Variants in COL5A1 observed in about 807,000 individuals in gnomAD.
COL5A1 encodes the protein collagen type V alpha 1 chain.
COL5A1 carries 16 observed loss-of-function variants against 263.7 expected under a neutral mutation model. The observed-to-expected ratio is 0.06, with a 90% CI of 0.04 to 0.09. COL5A1 has a LOEUF of 0.09. Ranked by LOEUF, COL5A1 falls within the 10% of genes least tolerant of loss-of-function variation. COL5A1 has a pLI of 1.00. For synonymous variants in COL5A1, 1,012 were observed against 1,004.5 expected (o/e 1.01, Z -0.14); for missense variants, 2,036 against 2,540.5 (o/e 0.80, Z 4.27).
At chr9:134,795,696 AC>A in intron 34 of COL5A1, among the ~76,000 whole-genome samples, 1 of 152,310 alleles carries the variant, frequency 6.6e-6, no homozygotes, top group African/African-American at 2.4e-5. Context: ...ACCAGAACCT[AC>A]AGAAAGTGCT....
rs747522491 is a variant in COL5A1 at position 134,823,318 on chromosome 9, C to T, written c.4645-98C>T. 3.7e-6 allele frequency: 5 copies of T among 1,355,014 alleles called. No homozygotes were observed. The South Asian group carries it at 5.8e-5, about 16-fold the overall frequency. The allele number at this position is 1,355,014 out of a possible 1,614,324, so 83.9% of individuals were successfully genotyped here. ...TGCTGTGGCTGATAGGGCCACCTCC[C>T]CCACATAGGTCTCCAGGGACCATTC... On this transcript the variant is annotated intron_variant, in intron 60 of 65. Coordinates refer to ENST00000371817, the MANE Select transcript of COL5A1 (RefSeq NM_000093.5).
Position 134,801,951 on chromosome 9 carries a change from C to T in COL5A1, c.2953-3C>T, listed in dbSNP as rs1838130855. On this transcript the variant is annotated splice_polypyrimidine_tract_variant and splice_region_variant and intron_variant, in intron 37 of 65. Coordinates refer to ENST00000371817, the MANE Select transcript of COL5A1 (RefSeq NM_000093.5). ...CGTCAGTGCAGTGACTCTCTCTTCA[C>T]AGGGTTTCCAAGGCAAGACCGGCCC... The T allele has an allele frequency of 1.2e-6, 2 of 1,613,358 alleles. No homozygotes were observed. The highest frequency in any genetic ancestry group is 4.5e-5 in the East Asian group (2 of 44,872).
intron 39 of COL5A1, among the ~76,000 whole-genome samples, chr9:134,803,342 C>A (rs1000160796): frequency 6.6e-6 from 1 of 152,188 alleles, no homozygotes. Flanking sequence ...CTTTTAAAAA[C>A]CCCTCACCCC....
chr9:134,817,607 T>C (rs1402194478), intron 53 of COL5A1, among the ~76,000 whole-genome samples, 171 bp from the exon 54 acceptor site: 1 of 152,072 alleles, frequency 6.6e-6, no homozygotes, highest in African/African-American at 2.4e-5. Flanking sequence ...GCAGCCTCCA[T>C]GACCCTGCAC....
intron 4 of COL5A1, among the ~76,000 whole-genome samples, chr9:134,726,174 C>T (rs1834642770): frequency 2.0e-5 from 3 of 152,188 alleles, no homozygotes; most frequent in Admixed American, 2.0e-4. Context: ...CTGTTTCTCA[C>T]AACAGGCAAA....
intron 13 of COL5A1, 100 bp from the exon 14 acceptor site, chr9:134,752,489 T>C (rs1588504424): frequency 1.1e-6 from 1 of 870,576 alleles, no homozygotes; most frequent in East Asian, 2.5e-5. Flanking sequence ...CTCTGTCCAG[T>C]CTGCCCGTTC....
At chr9:134,698,786 C>A (rs1481906722) in intron 2 of COL5A1, among the ~76,000 whole-genome samples, 3 of 152,248 alleles carry the variant, frequency 2.0e-5, no homozygotes, top group African/African-American at 7.2e-5. Flanking sequence ...CTCTGGGCCA[C>A]CTGGTTAGCC....
intron 54 of COL5A1, 58 bp downstream of exon 54, chr9:134,817,889 G>A: frequency 4.6e-6 from 7 of 1,521,762 alleles, no homozygotes; most frequent in Non-Finnish European, 5.4e-6. Context: ...GGAGCCCAGA[G>A]GGTGGGGAGT....
rs148146480 is a variant in COL5A1, at chr9:134,785,059, A to C, written c.2555A>C (p.Asn852Thr). The change falls in exon 30 of 66, where the codon AAT becomes ACT. Residue 852 changes from asparagine to threonine, a missense_variant. Asn to Thr is a moderately conservative substitution (Grantham distance 65). This residue lies in a region of COL5A1 where 1,078 missense variants were observed against 1,521.4 expected (regional missense o/e 0.71). Transcript: ENST00000371817. ...PEGPKGRGGPNGDPGPLGPPG... is the reference protein window; with the variant it reads ...PEGPKGRGGPTGDPGPLGPPG... ...GGCCCAAAGGGTCGCGGAGGTCCCAATGGTGACCCCGGTCCTCTGGGACCC... is the reference window on the plus strand; with the variant it reads ...GGCCCAAAGGGTCGCGGAGGTCCCACTGGTGACCCCGGTCCTCTGGGACCC... 1 of 1,613,438 alleles carries C rather than the reference A, an allele frequency of 6.2e-7. No homozygotes were observed. Among genetic ancestry groups the C allele is most frequent in the South Asian group, 1.1e-5 (1 of 91,086 alleles).
chr9:134,797,158 G>T (rs1284146264), intron 36 of COL5A1, among the ~76,000 whole-genome samples: 2 of 152,066 alleles, frequency 1.3e-5, no homozygotes, highest in Non-Finnish European at 2.9e-5. Context: ...TGCACGCTGG[G>T]GTCCTCTCTC....
chr9:134,766,619 AC>A, intron 22 of COL5A1, 121 bp downstream of exon 22: 1 of 1,042,172 alleles, frequency 9.6e-7, no homozygotes, highest in Non-Finnish European at 1.4e-6. Flanking sequence ...CAGGTTGCAG[AC>A]CCTCTGCTGT....
chr9:134,782,653 T>C lies in COL5A1; in HGVS notation c.2431-14T>C, dbSNP rs1837305164. ...TCTTGCCTAGACTAGGGCACTCTCT[T>C]GTCCCATATTCAGGGTGAAGACGGC... is the stretch of plus-strand genomic sequence containing the variant. On this transcript the variant is annotated splice_polypyrimidine_tract_variant and intron_variant, in intron 28 of 65. Coordinates refer to ENST00000371817, the MANE Select transcript of COL5A1 (RefSeq NM_000093.5). 1 of 1,613,634 alleles carries C rather than the reference T, an allele frequency of 6.2e-7. No homozygotes were observed. Among genetic ancestry groups the C allele is most frequent in the South Asian group, 1.1e-5 (1 of 91,080 alleles).
At chr9:134,752,256 C>T (rs892728327) in intron 13 of COL5A1, among the ~76,000 whole-genome samples, 3 of 150,642 alleles carry the variant, frequency 2.0e-5, no homozygotes, top group African/African-American at 5.0e-5. Context: ...TATTTCTGAC[C>T]TAGCCAAGGG....
intron 4 of COL5A1, among the ~76,000 whole-genome samples, chr9:134,722,964 C>G (rs750701885): frequency 1.3e-5 from 2 of 152,194 alleles, no homozygotes; most frequent in Non-Finnish European, 2.9e-5. Context: ...GGGCCCCACT[C>G]TTGCTTCCTC....
intron 11 of COL5A1, among the ~76,000 whole-genome samples, chr9:134,749,325 C>T (rs1027561049): frequency 1.3e-5 from 2 of 152,236 alleles, no homozygotes; most frequent in African/African-American, 2.4e-5. Context: ...GCGTCTTCAT[C>T]TTTGCCTTTG....
At chr9:134,714,981 G>A (rs967924186) in intron 4 of COL5A1, among the ~76,000 whole-genome samples, 1 of 151,998 alleles carries the variant, frequency 6.6e-6, no homozygotes, top group Non-Finnish European at 1.5e-5. Flanking sequence ...TCGTTGGGTG[G>A]GACGAGAGAC....
At chr9:134,694,746 C>T (rs12003837) in intron 2 of COL5A1, among the ~76,000 whole-genome samples, 3,492 of 152,260 alleles carry the variant, frequency 0.023, 120 homozygotes, top group South Asian at 0.11. Flanking sequence ...AGGACTGTGA[C>T]ACAGGGGCTG....
At chr9:134,796,563 T>C in intron 35 of COL5A1, 145 bp downstream of exon 35, 1 of 883,208 alleles carries the variant, frequency 1.1e-6, no homozygotes, top group Non-Finnish European at 1.8e-6. Context: ...ATCCCAAGGG[T>C]GGGTCACGCC....
intron 27 of COL5A1, among the ~76,000 whole-genome samples, chr9:134,779,261 A>C (rs940400984): frequency 6.6e-6 from 1 of 152,194 alleles, no homozygotes; most frequent in Non-Finnish European, 1.5e-5. Flanking sequence ...CTGAAGTCAA[A>C]GACATTAACA....
Sources: gnomAD v4.1 joint callset for allele counts (sites outside exome capture counted in the v4.1 genomes callset) on GRCh38, gnomAD v4.1.1 for gene constraint, gnomAD v4.1.1 regional missense constraint, MANE v1.5 for transcripts, NCBI Gene and HGNC (gene_info 2026-07-23, HGNC 2026-07-21) for gene names.